Variants in ZNF462 observed in about 807,000 individuals in gnomAD.
ZNF462 encodes the protein zinc finger protein 462.
ZNF462 carries 10 observed loss-of-function variants against 201.9 expected under a neutral mutation model. That is an observed-to-expected ratio of 0.05 (90% CI 0.03 to 0.08). The LOEUF is 0.08. ZNF462 is among the 10% of genes least tolerant of loss of function. ZNF462 has a pLI of 1.00. For synonymous variants in ZNF462, 1,227 were observed against 1,193.3 expected (o/e 1.03, Z -0.58); for missense variants, 2,523 against 3,168.3 (o/e 0.80, Z 4.89).
At chr9:106,991,171 C>T (rs926168871) in intron 10 of ZNF462, among the ~76,000 whole-genome samples, 2 of 150,834 alleles carry the variant, frequency 1.3e-5, no homozygotes, top group African/African-American at 4.9e-5. Flanking sequence ...GCAGAATCTA[C>T]AAAAAAAAGC....
rs201004495 is a variant in ZNF462 at position 106,929,355 on chromosome 9, C to A, written c.5443C>A (p.His1815Asn). The A allele has an allele frequency of 3.5e-4, 559 of 1,614,088 alleles. 2 individuals carry two copies. The highest frequency in any genetic ancestry group is 1.9e-5 in the Non-Finnish European group (23 of 1,180,030). Residue 1815 changes from histidine to asparagine, a missense_variant, in exon 3 of 13, where the codon CAT becomes AAT. Around this residue, in one of 15 missense-constraint regions of ZNF462, gnomAD observed 207 missense variants for 231.6 expected, o/e 0.89. Transcript: ENST00000277225. This position sits in a 1 kb window ranked among gnomAD's most constrained non-coding sequence, Gnocchi z 8.7. ...CTTCACGGCCGTCTATGCAGATGAG[C>A]ATGAGAAGCCCACACTGATGGAAGA... Reference protein sequence around the residue: ...GYFTAVYADEHEKPTLMEEEE... With the variant: ...GYFTAVYADENEKPTLMEEEE...
chr9:106,897,849 C>A (rs552692774), intron 1 of ZNF462, among the ~76,000 whole-genome samples: 10 of 151,950 alleles, frequency 6.6e-5, no homozygotes, highest in Admixed American at 6.5e-4. Context: ...TCCATGGATT[C>A]GCCTCCAGCC....
In ZNF462 at chr9:107,012,546, A is replaced by G. The variant is rs1055767047; in HGVS notation, c.*1516A>G. ...TTAGACTAAATCTAAGCCTACATTT[A>G]TAATATGTTCTGATTGTGAACAAAG... On this transcript the variant is annotated 3_prime_UTR_variant, in exon 13 of 13. Transcript: ENST00000277225. The G allele has an allele frequency of 2.8e-5, 4 of 144,274 alleles. No homozygotes were observed. Among genetic ancestry groups the G allele is most frequent in the Non-Finnish European group, 4.5e-5 (3 of 67,016 alleles). The allele number at this position is 144,274 out of a possible 1,614,324, so 8.9% of individuals were successfully genotyped here. A position where few individuals can be genotyped will look rare whatever the true frequency, so the allele number is the denominator to read the frequency against.
At chr9:106,861,654 T>G (rs1350795878), upstream of ZNF462, among the ~76,000 whole-genome samples, 1 of 152,238 alleles carries the variant, frequency 6.6e-6, no homozygotes, top group Non-Finnish European at 1.5e-5. Context: ...CCTGACTTGC[T>G]GCATTGATTT....
intron 1 of ZNF462, among the ~76,000 whole-genome samples, chr9:106,874,888 TAATG>T (rs1237705569): frequency 1.3e-5 from 2 of 152,198 alleles, no homozygotes; most frequent in Non-Finnish European, 2.9e-5. Flanking sequence ...AGCTTGTTAA[TAATG>T]AATGAACATC....
intron 6 of ZNF462, among the ~76,000 whole-genome samples, chr9:106,936,383 G>A (rs912443934): frequency 1.3e-5 from 2 of 152,182 alleles, no homozygotes; most frequent in African/African-American, 4.8e-5. Context: ...AGTTTGAACA[G>A]TGTTGTAAGA....
At position 106,923,749 on chromosome 9, in the gene ZNF462, T is replaced by G; in HGVS notation, c.220+146T>G. ...ATTTTTGTGGTTTGGGCATCATGTATCTCTCCTTGAGTACCTTAGGTTTTA... is the reference window on the plus strand; with the variant it reads ...ATTTTTGTGGTTTGGGCATCATGTAGCTCTCCTTGAGTACCTTAGGTTTTA... On this transcript the variant is annotated intron_variant, in intron 2 of 12. Coordinates refer to ENST00000277225, the MANE Select transcript of ZNF462 (RefSeq NM_021224.6). This position sits in a 1 kb window ranked among gnomAD's most constrained non-coding sequence, Gnocchi z 5.6. 1 of 751,630 alleles carries G rather than the reference T, an allele frequency of 1.3e-6. No homozygotes were observed. The highest frequency in any genetic ancestry group is 2.1e-6 in the Non-Finnish European group (1 of 466,584). 46.6% of individuals were successfully genotyped at this position (751,630 alleles called of 1,614,324 possible).
At position 106,932,526 on chromosome 9, in the gene ZNF462, G is replaced by A. The variant is rs533510535; in HGVS notation, c.6093G>A (p.Ser2031=). The part of the protein sequence containing the change: ...REDKYSCQYC[S]FVSAFRHNLD... ...ACAAGTACAGCTGCCAGTATTGCTC[G>A]TTTGTTTCTGCTTTCAGGCACAAGT... The change falls in exon 5 of 13, where the codon TCG becomes TCA. Residue 2031 remains serine, a synonymous_variant. Coordinates refer to ENST00000277225, the MANE Select transcript of ZNF462 (RefSeq NM_021224.6). The surrounding 1 kb of genome is among the most constrained non-coding windows in gnomAD (Gnocchi z 6.8). 2.1e-5 allele frequency: 34 copies of A among 1,614,120 alleles called. No individual in the cohort carries two copies. Among genetic ancestry groups the A allele is most frequent in the Non-Finnish European group, 2.7e-5 (32 of 1,180,056 alleles).
At chr9:106,976,596 C>T (rs1440034493) in intron 9 of ZNF462, 1 of 152,170 alleles carries the variant, frequency 6.6e-6, no homozygotes, top group Non-Finnish European at 1.5e-5. Flanking sequence ...TTTGTGGTCT[C>T]TTCTGTTTAC....
intron 1 of ZNF462, among the ~76,000 whole-genome samples, chr9:106,879,780 C>G (rs1587988957): frequency 6.6e-6 from 1 of 152,262 alleles, no homozygotes; most frequent in South Asian, 2.1e-4. Context: ...TCTAGTTCCC[C>G]TGGAAAGAAA....
intron 7 of ZNF462, among the ~76,000 whole-genome samples, chr9:106,971,607 A>G (rs1826620295): frequency 6.6e-6 from 1 of 151,982 alleles, no homozygotes; most frequent in South Asian, 2.1e-4. Flanking sequence ...AACTCTCAAA[A>G]CTAACATTGG....
Position 106,886,605 on chromosome 9 carries a change from A to T in ZNF462, c.-31+23250A>T, listed in dbSNP as rs751259947. Among the ~76,000 whole-genome samples, 13 of 152,176 alleles carry T rather than the reference A, an allele frequency of 8.5e-5. No homozygotes were observed. Among genetic ancestry groups the T allele is most frequent in the Non-Finnish European group, 1.9e-4 (13 of 68,038 alleles). ...CTGTCATCCGCAGTCAATGTGAAGA[A>T]ACTGGTTATATGGACCTAGGAAATC... On this transcript the variant is annotated intron_variant, in intron 1 of 12. Transcript: ENST00000277225. The surrounding 1 kb of genome is among the most constrained non-coding windows in gnomAD (Gnocchi z 4.6).
chr9:106,889,281 T>C (rs925431555), intron 1 of ZNF462, among the ~76,000 whole-genome samples: 1 of 152,210 alleles, frequency 6.6e-6, no homozygotes, highest in African/African-American at 2.4e-5. Flanking sequence ...CCTCCCCATT[T>C]ATCTTGTAAA....
Position 106,974,611 on chromosome 9 carries a change from G to A in ZNF462, c.6832+338G>A, listed in dbSNP as rs1826857689. The A allele has an allele frequency of 1.1e-5, 4 of 356,248 alleles. No homozygotes were observed. Among genetic ancestry groups the A allele is most frequent in the Non-Finnish European group, 2.1e-5 (4 of 186,098 alleles). The allele number at this position is 356,248 out of a possible 1,614,324, so 22.1% of individuals were successfully genotyped here. On this transcript the variant is annotated intron_variant, in intron 9 of 12. Coordinates refer to ENST00000277225, the MANE Select transcript of ZNF462 (RefSeq NM_021224.6). The surrounding 1 kb of genome is among the most constrained non-coding windows in gnomAD (Gnocchi z 4.0). Reference sequence around the variant, plus strand: ...AGAAGGAATGAACAAGAAACAAAATGGGTGGGTGAAAGCAAATGTGAAATG... The same window carrying A: ...AGAAGGAATGAACAAGAAACAAAATAGGTGGGTGAAAGCAAATGTGAAATG...
chr9:106,962,592 G>T lies in ZNF462; in HGVS notation c.6428-9413G>T, dbSNP rs946144872. ...CTAGATCTCAAAAAAGAGAAAGCTTGCCCATTTTTTGCCATGTTTGTATCA... is the reference window on the plus strand; with the variant it reads ...CTAGATCTCAAAAAAGAGAAAGCTTTCCCATTTTTTGCCATGTTTGTATCA... On this transcript the variant is annotated intron_variant, in intron 7 of 12. Transcript: ENST00000277225. This position sits in a 1 kb window ranked among gnomAD's most constrained non-coding sequence, Gnocchi z 4.6. Among the ~76,000 whole-genome samples the T allele has an allele frequency of 6.6e-6, 1 of 151,908 alleles. No individual in the cohort carries two copies. Among genetic ancestry groups the T allele is most frequent in the African/African-American group, 2.4e-5 (1 of 41,366 alleles).
intron 1 of ZNF462, among the ~76,000 whole-genome samples, chr9:106,875,266 G>C (rs1244165444): frequency 6.6e-6 from 1 of 152,018 alleles, no homozygotes; most frequent in Non-Finnish European, 1.5e-5. Context: ...AGCTTGTGTT[G>C]GTGTCTACAG....
In ZNF462 at chr9:106,929,419, G is replaced by A. The variant is rs751352052; in HGVS notation, c.5507G>A (p.Gly1836Asp). 4 of 1,614,098 alleles carry A rather than the reference G, an allele frequency of 2.5e-6. No individual in the cohort carries two copies. The highest frequency in any genetic ancestry group is 3.4e-6 in the Non-Finnish European group (4 of 1,180,036). ...RGNFEKAEVE[G>D]EAQEIEWLPF... ...AACTTTGAGAAAGCCGAGGTGGAGG[G>A]TGAAGCTCAGGAAATCGAGTGGCTC... The change falls in exon 3 of 13, where the codon GGT (glycine) becomes GAT (aspartate). Residue 1836 changes from glycine to aspartate, a missense_variant. Gly to Asp is a moderately conservative substitution (Grantham distance 94, BLOSUM62 -1). Coordinates refer to ENST00000277225, the MANE Select transcript of ZNF462 (RefSeq NM_021224.6). This position sits in a 1 kb window ranked among gnomAD's most constrained non-coding sequence, Gnocchi z 8.7.
chr9:106,941,202 C>T (rs1298364678), intron 7 of ZNF462, among the ~76,000 whole-genome samples: 1 of 152,192 alleles, frequency 6.6e-6, no homozygotes, highest in African/African-American at 2.4e-5. Context: ...TACTCTTGAG[C>T]CTGTACTCTC....
In ZNF462 at chr9:106,932,058, GT is replaced by G. The variant is rs1296238022; in HGVS notation, c.6013-386del. 6.6e-6 allele frequency among the ~76,000 whole-genome samples: 1 copy of G among 152,200 alleles called. No individual in the cohort carries two copies. The highest frequency in any genetic ancestry group is 1.5e-5 in the Non-Finnish European group (1 of 68,034). ...ACAGTAGCAACCTGTGTCCGGGTAT[GT>G]TGTCCTAAAATCACCTCCACTGCAT... On this transcript the variant is annotated intron_variant, in intron 4 of 12. Coordinates refer to ENST00000277225, the MANE Select transcript of ZNF462 (RefSeq NM_021224.6). The surrounding 1 kb of genome is among the most constrained non-coding windows in gnomAD (Gnocchi z 6.8).
Sources: allele counts gnomAD v4.1 joint callset (sites outside exome capture counted in the v4.1 genomes callset), GRCh38; gene constraint gnomAD v4.1.1; regional missense constraint gnomAD v4.1.1; non-coding constraint Gnocchi (gnomAD v3.1); transcripts MANE v1.5; gene names NCBI Gene and HGNC (gene_info 2026-07-23, HGNC 2026-07-21).